Variants in SLC4A4 observed in about 807,000 individuals in gnomAD.
SLC4A4 encodes solute carrier family 4 member 4, also known as electrogenic sodium bicarbonate cotransporter 1.
SLC4A4 carries 27 observed loss-of-function variants against 111.5 expected under a neutral mutation model. The ratio of observed to expected loss-of-function variants is 0.24; its 90% CI spans 0.18 to 0.33. SLC4A4 has a LOEUF of 0.33. Among genes scored for constraint, SLC4A4 ranks in the 10% least tolerant of loss-of-function variants. SLC4A4 has a pLI of 1.00. For synonymous variants in SLC4A4, 443 were observed against 463.4 expected (o/e 0.96, Z 0.57); for missense variants, 909 against 1,315.5 (o/e 0.69, Z 4.78).
chr4:71,350,069 G>A lies in SLC4A4; in HGVS notation c.547G>A (p.Val183Met), dbSNP rs767382056. ...DREASSLPQL[V>M]EMIVDHQIET... ...GGAGGCTTCTTCTCTCCCACAGTTG[G>A]TGGGTAAGTATGCTGTTTGAATTTT... Residue 183 changes from valine to methionine, a missense_variant, in exon 5 of 26, where the codon GTG (valine) becomes ATG (methionine). Coordinates refer to ENST00000264485, the MANE Select transcript of SLC4A4 (RefSeq NM_001098484.3). 43 of 1,613,954 alleles carry A rather than the reference G, an allele frequency of 2.7e-5. No homozygotes were observed. In the East Asian group the frequency reaches 2.9e-4, roughly 11 times the overall value.
chr4:71,542,457 C>G (rs1735154443), intron 18 of SLC4A4, among the ~76,000 whole-genome samples: 2 of 152,048 alleles, frequency 1.3e-5, no homozygotes. Context: ...CTTCCTATTG[C>G]TCTTGTGATA....
chr4:71,305,437 T>C (rs921527180), intron 3 of SLC4A4, among the ~76,000 whole-genome samples: 3 of 152,196 alleles, frequency 2.0e-5, no homozygotes, highest in Admixed American at 6.5e-5. Flanking sequence ...GGCACCTGTT[T>C]ATAAGGGTTT....
intron 6 of SLC4A4, among the ~76,000 whole-genome samples, chr4:71,378,957 G>T (rs947595954): frequency 1.3e-5 from 2 of 152,102 alleles, no homozygotes; most frequent in Non-Finnish European, 2.9e-5. Flanking sequence ...GTACCCTTCA[G>T]TAACCATACT....
At chr4:71,506,495 G>A (rs548728057) in intron 16 of SLC4A4, among the ~76,000 whole-genome samples, 1 of 152,222 alleles carries the variant, frequency 6.6e-6, no homozygotes, top group Non-Finnish European at 1.5e-5. Flanking sequence ...CGACTTTCCT[G>A]TGGTTGGTTT....
chr4:71,303,812 TC>T (rs1212699932), intron 3 of SLC4A4, among the ~76,000 whole-genome samples: 3 of 149,170 alleles, frequency 2.0e-5, no homozygotes, highest in Non-Finnish European at 4.5e-5. Flanking sequence ...CCTCCCTCCC[TC>T]CGTCCTTCCT....
At chr4:71,525,416 A>G (rs1392192807) in intron 16 of SLC4A4, among the ~76,000 whole-genome samples, 2 of 152,296 alleles carry the variant, frequency 1.3e-5, no homozygotes, top group African/African-American at 4.8e-5. Flanking sequence ...TAACTGAGAC[A>G]TGCTTCTCTT....
chr4:71,449,123 T>A (rs1269168351), intron 9 of SLC4A4, among the ~76,000 whole-genome samples: 1 of 152,214 alleles, frequency 6.6e-6, no homozygotes, highest in African/African-American at 2.4e-5. Context: ...ACATAACGGC[T>A]TAATGATAAA....
chr4:71,356,941 TA>T, intron 5 of SLC4A4, 66 bp from the exon 6 acceptor site: 2 of 1,439,144 alleles, frequency 1.4e-6, no homozygotes, highest in South Asian at 2.4e-5. Context: ...TCCATAAAGT[TA>T]GAGTAAAAAA....
chr4:71,191,412 A>G (rs1208395607), intron 1 of SLC4A4, among the ~76,000 whole-genome samples: 1 of 152,260 alleles, frequency 6.6e-6, no homozygotes, highest in African/African-American at 2.4e-5. Flanking sequence ...AAACTATGAC[A>G]GAGAACTCTG....
chr4:71,142,196 G>A (rs996121379), intron 2 of SLC4A4, among the ~76,000 whole-genome samples: 3 of 152,236 alleles, frequency 2.0e-5, no homozygotes, highest in Non-Finnish European at 2.9e-5. Context: ...GCGGTGAGCA[G>A]TATAGCTTTA....
chr4:71,245,181 C>T (rs1473555004), intron 2 of SLC4A4, among the ~76,000 whole-genome samples: 2 of 152,124 alleles, frequency 1.3e-5, no homozygotes, highest in Admixed American at 6.5e-5. Flanking sequence ...ACCATGTGAA[C>T]AGGGGGAGAG....
intron 23 of SLC4A4, among the ~76,000 whole-genome samples, chr4:71,560,744 A>G (rs1736912006): frequency 6.6e-6 from 1 of 151,776 alleles, no homozygotes; most frequent in African/African-American, 2.4e-5. Context: ...TAATATTAGC[A>G]TTATATTTAT....
chr4:71,449,751 C>T (rs1402321895), intron 9 of SLC4A4, among the ~76,000 whole-genome samples: 1 of 152,158 alleles, frequency 6.6e-6, no homozygotes. Flanking sequence ...AGATTGTGTA[C>T]ATTTTGGAAC....
chr4:71,494,052 T>C (rs192667075), intron 15 of SLC4A4, among the ~76,000 whole-genome samples: 43 of 152,070 alleles, frequency 2.8e-4, no homozygotes, highest in African/African-American at 9.6e-4. Flanking sequence ...TCCCTTGTAG[T>C]TTTATTGTCT....
Position 71,517,671 on chromosome 4 carries a change from G to A in SLC4A4, c.2167-14391G>A, listed in dbSNP as rs572661340. Among the ~76,000 whole-genome samples the A allele has an allele frequency of 1.5e-4, 23 of 152,196 alleles. No homozygotes were observed. In the South Asian group the frequency reaches 3.3e-3, roughly 22 times the overall value. ...TCCTTTAGTGGTGTCATGTTTCCTT[G>A]ATTGTTCTTGGTCTTGTAGCTCCTG... On this transcript the variant is annotated intron_variant, in intron 16 of 25. Coordinates refer to ENST00000264485, the MANE Select transcript of SLC4A4 (RefSeq NM_001098484.3).
intron 24 of SLC4A4, among the ~76,000 whole-genome samples, chr4:71,564,813 G>A (rs1385341306): frequency 6.6e-6 from 1 of 151,814 alleles, no homozygotes; most frequent in East Asian, 1.9e-4. Context: ...AAAAAATAAT[G>A]GGTATATTAG....
intron 2 of SLC4A4, among the ~76,000 whole-genome samples, chr4:71,162,101 C>A (rs1744628696): frequency 1.3e-5 from 2 of 152,142 alleles, no homozygotes; most frequent in Admixed American, 6.5e-5. Flanking sequence ...TTCTTGCTCA[C>A]CCCAGTTGAA....
intron 1 of SLC4A4, among the ~76,000 whole-genome samples, chr4:71,207,448 T>C (rs1355951705): frequency 3.3e-5 from 5 of 152,370 alleles, no homozygotes; most frequent in South Asian, 2.1e-4. Flanking sequence ...AAGCAAAGTA[T>C]ATCTATAGGT....
At position 71,557,911 on chromosome 4, in the gene SLC4A4, C is replaced by T. The variant is rs768922833; in HGVS notation, c.2937+26C>T. 3 of 1,559,706 alleles carry T rather than the reference C, an allele frequency of 1.9e-6. No individual in the cohort carries two copies. In the African/African-American group the frequency reaches 4.1e-5, roughly 21 times the overall value. On this transcript the variant is annotated intron_variant, in intron 22 of 25. Coordinates refer to ENST00000264485, the MANE Select transcript of SLC4A4 (RefSeq NM_001098484.3). ...GTAGGGATTCCTTTAATTGAACGTA[C>T]CTGTGAGATTATATGAGTATCATGT...
Sources: gnomAD v4.1 joint callset for allele counts (sites outside exome capture counted in the v4.1 genomes callset) on GRCh38, gnomAD v4.1.1 for gene constraint, MANE v1.5 for transcripts, NCBI Gene and HGNC (gene_info 2026-07-23, HGNC 2026-07-21) for gene names.